Variants in SLC8A3 observed in about 807,000 individuals in gnomAD.
The protein encoded by SLC8A3 is solute carrier family 8 member A3, also known as sodium/calcium exchanger 3.
In SLC8A3, 37 loss-of-function variants were observed where a neutral mutation model predicts 65.4. The observed-to-expected ratio is 0.57, with a 90% confidence interval of 0.44 to 0.74. The LOEUF is 0.74. Ranked by LOEUF, SLC8A3 falls within the 30% of genes least tolerant of loss-of-function variation. The pLI is 0.00. For synonymous variants in SLC8A3, 461 were observed against 444.5 expected, an observed-to-expected ratio of 1.04 and a Z score of -0.47; for missense variants, 1,112 against 1,172.1, an observed-to-expected ratio of 0.95 and a Z score of 0.75.
chr14:70,168,252 A>G lies in SLC8A3; in HGVS notation c.171T>C (p.Gly57=), dbSNP rs1298501588. 5.0e-6 allele frequency: 8 copies of G among 1,613,570 alleles called. No homozygotes were observed. Among genetic ancestry groups the G allele is most frequent in the Non-Finnish European group, 8.5e-7 (1 of 1,179,950 alleles). ...CCGGGTACCAGATTGGCAGGATGAC[A>G]CCCTCCTTGCAGTCCGATGACCCTG... ...SCSGSSDCKE[G]VILPIWYPEN... The change falls in exon 2 of 7, where the codon GGT becomes GGC. Residue 57 remains glycine, a synonymous_variant. Transcript: ENST00000356921.
At position 70,167,217 on chromosome 14, in the gene SLC8A3, TG is replaced by T; in HGVS notation, c.1205del (p.Pro402HisfsTer15). 1 of 1,614,174 alleles carries T rather than the reference TG, an allele frequency of 6.2e-7. No individual in the cohort carries two copies. ...EDFISKVFFD[P>X]CSYQCLENCG... is the part of the protein sequence containing the mutation. ...AGTTCTCCAGGCACTGGTAAGAACATGGGTCAAAGAAGACCTTGGAAATAAA... is the reference window on the plus strand; with the variant it reads ...AGTTCTCCAGGCACTGGTAAGAACATGGTCAAAGAAGACCTTGGAAATAAA... On this transcript the variant is annotated frameshift_variant, in exon 2 of 7. Transcript: ENST00000356921. LOFTEE classifies it high-confidence loss of function.
intron 2 of SLC8A3, among the ~76,000 whole-genome samples, chr14:70,064,414 T>C (rs929821226): frequency 2.6e-5 from 4 of 152,022 alleles, no homozygotes; most frequent in African/African-American, 9.7e-5. Context: ...TTGATCCAAA[T>C]GGTTTATTTC....
rs1888065489 is a variant in SLC8A3, at chr14:70,055,953, C to T, written c.1889-3839G>A. 8.7e-6 allele frequency: 6 copies of T among 691,264 alleles called. No homozygotes were observed. In the East Asian group the frequency reaches 1.7e-4, roughly 19 times the overall value. The allele number at this position is 691,264 out of a possible 1,614,324, so 42.8% of individuals were successfully genotyped here. On this transcript the variant is annotated intron_variant, in intron 3 of 6. Coordinates refer to ENST00000356921, the MANE Select transcript of SLC8A3 (RefSeq NM_182932.3). The stretch of plus-strand genomic sequence containing the variant: ...AGCTTAGTAGGTGAGAGCTCAGCAG[C>T]CATACGCAAAAAGAAGCCTTTGGAG...
chr14:70,170,566 G>C (rs17107916), intron 1 of SLC8A3, among the ~76,000 whole-genome samples: 5,282 of 152,284 alleles, frequency 0.035, 379 homozygotes, highest in East Asian at 0.34. Context: ...TTCCTTGGAT[G>C]ACAGCCTTCT....
chr14:70,120,556 G>A (rs1374536523), intron 2 of SLC8A3, among the ~76,000 whole-genome samples: 1 of 152,212 alleles, frequency 6.6e-6, no homozygotes, highest in African/African-American at 2.4e-5. Context: ...GGCTCTAGCA[G>A]TACATGCCTG....
intron 2 of SLC8A3, among the ~76,000 whole-genome samples, chr14:70,130,885 T>C (rs910743590): frequency 1.3e-5 from 2 of 152,210 alleles, no homozygotes; most frequent in African/African-American, 4.8e-5. Context: ...GCCTATAAAA[T>C]ATTCAGGTAG....
At chr14:70,057,294 G>GTAGATAGATAGA (rs3052660) in intron 3 of SLC8A3, among the ~76,000 whole-genome samples, 809 of 149,574 alleles carry the variant, frequency 5.4e-3, no homozygotes, top group Admixed American at 7.3e-3. Flanking sequence ...AGGCAGATAG[G>GTAGATAGATAGA]TAGATAGATA....
chr14:70,133,663 GACCTGGCAGGA>G, intron 2 of SLC8A3, among the ~76,000 whole-genome samples: 1 of 152,102 alleles, frequency 6.6e-6, no homozygotes, highest in East Asian at 1.9e-4. Flanking sequence ...AAATTCAGCT[GACCTGGCAGGA>G]ATTCAAACAA....
intron 2 of SLC8A3, among the ~76,000 whole-genome samples, chr14:70,111,974 C>T (rs1472981408): frequency 6.6e-6 from 1 of 152,182 alleles, no homozygotes; most frequent in East Asian, 1.9e-4. Flanking sequence ...GGAGCTAGAG[C>T]TGCAGTTACA....
intron 2 of SLC8A3, among the ~76,000 whole-genome samples, chr14:70,126,674 T>G (rs1894480159): frequency 6.6e-6 from 1 of 151,330 alleles, no homozygotes; most frequent in Non-Finnish European, 1.5e-5. Context: ...AATTCCATGT[T>G]CCTCCCACCC....
At chr14:70,059,910 C>T (rs182445762) in intron 3 of SLC8A3, among the ~76,000 whole-genome samples, 108 of 152,304 alleles carry the variant, frequency 7.1e-4, no homozygotes, top group Non-Finnish European at 1.2e-3. Context: ...ATACCTGGAA[C>T]TATTTCCTTC....
chr14:70,153,511 A>G (rs1896397654), intron 2 of SLC8A3, among the ~76,000 whole-genome samples: 1 of 152,108 alleles, frequency 6.6e-6, no homozygotes. Flanking sequence ...AAAAACAAGA[A>G]GGGGGTGTTG....
At chr14:70,176,418 T>G (rs58758859) in intron 1 of SLC8A3, among the ~76,000 whole-genome samples, 16,000 of 152,232 alleles carry the variant, frequency 0.11, 1,136 homozygotes, top group African/African-American at 0.19. Context: ...GACCTAAGTT[T>G]TGAACTCTCT....
In SLC8A3 at chr14:70,064,864, T is replaced by C. The variant is rs75494739; in HGVS notation, c.1785-3925A>G. ...TTCTTCTTCTTTTTTTCTTCCTTCA[T>C]TTATTTATTTATTGGAGCTTTAAAA... On this transcript the variant is annotated intron_variant, in intron 2 of 6. Transcript: ENST00000356921. Among the ~76,000 whole-genome samples, 45 of 152,350 alleles carry C rather than the reference T, an allele frequency of 3.0e-4. No individual in the cohort carries two copies. The East Asian group carries it at 8.5e-3, about 29-fold the overall frequency.
intron 2 of SLC8A3, among the ~76,000 whole-genome samples, chr14:70,082,918 T>G (rs980231612): frequency 6.6e-6 from 1 of 152,146 alleles, no homozygotes; most frequent in Non-Finnish European, 1.5e-5. Context: ...CCAATTCCCT[T>G]GGGTCATAAT....
Position 70,167,705 on chromosome 14 carries a change from A to C in SLC8A3, c.718T>G (p.Phe240Val). 6.2e-7 allele frequency: 1 copy of C among 1,614,190 alleles called. No individual in the cohort carries two copies. Among genetic ancestry groups the C allele is most frequent in the Non-Finnish European group, 8.5e-7 (1 of 1,180,032 alleles). The change falls in exon 2 of 7, where the codon TTC (phenylalanine) becomes GTC (valine). Residue 240 changes from phenylalanine to valine, a missense_variant. By Grantham distance (50) the Phe-to-Val change is conservative (BLOSUM62 -1). Transcript: ENST00000356921. The stretch of plus-strand genomic sequence containing the variant: ...GCCAGAAGGACACACACTGGAAAGA[A>C]GAAGAGAGTGAGGAGGCCTTCCCAA... The part of the protein sequence containing the change: ...QVWEGLLTLF[F>V]FPVCVLLAWV...
chr14:70,138,701 A>T (rs945397473), intron 2 of SLC8A3, among the ~76,000 whole-genome samples: 2 of 152,228 alleles, frequency 1.3e-5, no homozygotes, highest in Admixed American at 6.5e-5. Flanking sequence ...TTGTAGCTGT[A>T]CAGTGCTTTG....
Position 70,188,825 on chromosome 14 carries a change from G to A in SLC8A3, c.-509C>T, listed in dbSNP as rs577451412. ...CGCCCTGGCGGCTCCGAGGGACCTG[G>A]GCTCGGGCTTGCGGTCGCGTCGCCT... On this transcript the variant is annotated 5_prime_UTR_variant, in exon 1 of 7. Coordinates refer to ENST00000356921, the MANE Select transcript of SLC8A3 (RefSeq NM_182932.3). 2.6e-4 allele frequency: 40 copies of A among 152,166 alleles called. No individual in the cohort carries two copies. The highest frequency in any genetic ancestry group is 9.6e-4 in the African/African-American group (40 of 41,532). 9.4% of individuals were successfully genotyped at this position (152,166 alleles called of 1,614,324 possible). A position where few individuals can be genotyped will look rare whatever the true frequency, so the allele number is the denominator to read the frequency against.
intron 5 of SLC8A3, 86 bp from the exon 6 acceptor site, chr14:70,049,128 G>C (rs559581467): frequency 1.5e-5 from 20 of 1,310,376 alleles, no homozygotes; most frequent in African/African-American, 2.9e-5. Context: ...CGCACCACAG[G>C]CATCATCCGC....
Sources: gnomAD v4.1 joint callset for allele counts (sites outside exome capture counted in the v4.1 genomes callset) on GRCh38, gnomAD v4.1.1 for gene constraint, MANE v1.5 for transcripts, NCBI Gene and HGNC (gene_info 2026-07-23, HGNC 2026-07-21) for gene names.